Variants in HHIP observed in about 807,000 individuals in gnomAD.
The protein encoded by HHIP is hedgehog-interacting protein.
HHIP carries 12 observed loss-of-function variants against 74.0 expected under a neutral mutation model. The observed-to-expected ratio is 0.16, with a 90% confidence interval of 0.10 to 0.26. HHIP has a LOEUF of 0.26. Ranked by LOEUF, HHIP falls within the 10% of genes least tolerant of loss-of-function variation. The pLI is 1.00. For synonymous variants in HHIP, 309 were observed against 311.6 expected (o/e 0.99, Z 0.09); for missense variants, 788 against 845.0 (o/e 0.93, Z 0.84).
intron 4 of HHIP, among the ~76,000 whole-genome samples, chr4:144,669,677 T>C (rs185090520): frequency 1.3e-5 from 2 of 152,310 alleles, no homozygotes; most frequent in African/African-American, 4.8e-5. Context: ...CCATCATTGC[T>C]AGCAGTTGAA....
chr4:144,675,445 T>C (rs1377504388), intron 4 of HHIP, among the ~76,000 whole-genome samples: 1 of 152,004 alleles, frequency 6.6e-6, no homozygotes, highest in Non-Finnish European at 1.5e-5. Context: ...CAAACAGGAA[T>C]TTAGATTCAG....
intron 4 of HHIP, among the ~76,000 whole-genome samples, chr4:144,680,526 G>T (rs959461900): frequency 3.9e-5 from 6 of 152,136 alleles, no homozygotes; most frequent in African/African-American, 1.4e-4. Flanking sequence ...CAGCTCAGAA[G>T]AATAATCTAT....
At chr4:144,662,437 G>T (rs994088574) in intron 4 of HHIP, among the ~76,000 whole-genome samples, 6 of 152,194 alleles carry the variant, frequency 3.9e-5, no homozygotes, top group African/African-American at 1.4e-4. Flanking sequence ...GGGCTAAACT[G>T]TCTGCAGTTC....
chr4:144,712,398 T>C (rs550981478), intron 8 of HHIP, among the ~76,000 whole-genome samples: 22 of 152,306 alleles, frequency 1.4e-4, no homozygotes, highest in African/African-American at 5.3e-4. Context: ...GGAGAGCAGC[T>C]TGTCTTAACA....
Position 144,646,732 on chromosome 4 carries a change from T to C in HHIP, c.57T>C (p.Phe19=). The C allele has an allele frequency of 6.2e-7, 1 of 1,614,114 alleles. No individual in the cohort carries two copies. The highest frequency in any genetic ancestry group is 8.5e-7 in the Non-Finnish European group (1 of 1,180,012). The change falls in exon 1 of 13, where the codon TTT becomes TTC. Residue 19 remains phenylalanine, a synonymous_variant. Transcript: ENST00000296575. ...LLLLAVALGF[F]EGDAKFGERN... ...TGCTGGCCGTGGCTCTGGGCTTCTT[T>C]GAAGGAGATGCTAAGTTTGGGGAAA...
At chr4:144,688,014 C>G (rs750392794) in intron 4 of HHIP, among the ~76,000 whole-genome samples, 1 of 151,878 alleles carries the variant, frequency 6.6e-6, no homozygotes, top group Non-Finnish European at 1.5e-5. Context: ...ATATATCTAG[C>G]AACTGGTCGA....
intron 5 of HHIP, 60 bp downstream of exon 5, chr4:144,706,742 C>T (rs1730161677): frequency 2.0e-6 from 3 of 1,491,160 alleles, no homozygotes; most frequent in Non-Finnish European, 2.7e-6. Flanking sequence ...ATCATCTTTT[C>T]ATAAGTTTTT....
At chr4:144,661,848 A>G (rs938582776) in intron 4 of HHIP, among the ~76,000 whole-genome samples, 23 of 152,222 alleles carry the variant, frequency 1.5e-4, no homozygotes, top group African/African-American at 5.5e-4. Flanking sequence ...GAATTTTCAT[A>G]AATTATTATA....
At position 144,740,920 on chromosome 4, in the gene HHIP, T is replaced by C. The variant is rs766911512; in HGVS notation, c.*2963T>C. The C allele has an allele frequency of 6.6e-6, 1 of 152,238 alleles. No individual in the cohort carries two copies. Among genetic ancestry groups the C allele is most frequent in the Non-Finnish European group, 1.5e-5 (1 of 68,040 alleles). The allele number at this position is 152,238 out of a possible 1,614,324, so 9.4% of individuals were successfully genotyped here. A position where few individuals can be genotyped will look rare whatever the true frequency, so the allele number is the denominator to read the frequency against. Reference sequence around the variant, plus strand: ...GAAATGATGTTATAGTTGTTTTAAATGGTTGGAAATAACCTTTCTACTACT... The same window carrying C: ...GAAATGATGTTATAGTTGTTTTAAACGGTTGGAAATAACCTTTCTACTACT... On this transcript the variant is annotated 3_prime_UTR_variant, in exon 13 of 13. Coordinates refer to ENST00000296575, the MANE Select transcript of HHIP (RefSeq NM_022475.3).
chr4:144,695,756 C>G (rs1290884070), intron 4 of HHIP, among the ~76,000 whole-genome samples: 1 of 151,730 alleles, frequency 6.6e-6, no homozygotes, highest in Admixed American at 6.6e-5. Context: ...TTACATCAAG[C>G]CTTACAAATC....
chr4:144,715,376 T>C lies in HHIP; in HGVS notation c.1624T>C (p.Ser542Pro), dbSNP rs1730418964. Reference protein sequence around the residue: ...EKPLCLGTSGSCRGYFSGHIL... With the variant: ...EKPLCLGTSGPCRGYFSGHIL... The stretch of plus-strand genomic sequence containing the variant: ...ACCACTCTGTCTCGGCACTAGTGGG[T>C]CCTGTAGAGGCTACTTTTCCGGTCA... The change falls in exon 10 of 13, where the codon TCC becomes CCC. Residue 542 changes from serine to proline, a missense_variant. This residue lies in a region of HHIP where 343 missense variants were observed against 347.9 expected (regional missense o/e 0.99). Transcript: ENST00000296575. 6.2e-7 allele frequency: 1 copy of C among 1,613,454 alleles called. No homozygotes were observed. Among genetic ancestry groups the C allele is most frequent in the African/African-American group, 1.3e-5 (1 of 74,892 alleles).
intron 4 of HHIP, among the ~76,000 whole-genome samples, chr4:144,670,925 A>G (rs769412651): frequency 2.0e-5 from 3 of 152,156 alleles, no homozygotes; most frequent in Non-Finnish European, 4.4e-5. Flanking sequence ...CTGTGAACAC[A>G]TATGTTCAGG....
chr4:144,655,506 T>A (rs150858062), intron 2 of HHIP, among the ~76,000 whole-genome samples: 322 of 152,248 alleles, frequency 2.1e-3, no homozygotes, highest in Non-Finnish European at 3.7e-3. Flanking sequence ...TATTGTAGTG[T>A]GAAATGTCTG....
intron 11 of HHIP, among the ~76,000 whole-genome samples, chr4:144,723,266 C>T (rs553973562): frequency 8.5e-5 from 13 of 152,212 alleles, no homozygotes; most frequent in South Asian, 2.1e-4. Context: ...ATTCCAGGCT[C>T]GAGAGGTCAT....
At chr4:144,728,606 G>T (rs551991693) in intron 11 of HHIP, among the ~76,000 whole-genome samples, 15 of 152,104 alleles carry the variant, frequency 9.9e-5, no homozygotes, top group African/African-American at 3.6e-4. Context: ...TATTTCTGCA[G>T]CCTACATATG....
intron 11 of HHIP, among the ~76,000 whole-genome samples, chr4:144,722,784 G>A (rs1254224147): frequency 6.6e-6 from 1 of 152,078 alleles, no homozygotes; most frequent in Non-Finnish European, 1.5e-5. Flanking sequence ...AATCCAGGAG[G>A]TGGAGGTTGC....
intron 4 of HHIP, among the ~76,000 whole-genome samples, chr4:144,702,548 A>G (rs2126648106): frequency 6.6e-6 from 1 of 152,288 alleles, no homozygotes; most frequent in Non-Finnish European, 1.5e-5. Context: ...TCCAAATTTG[A>G]GCAGTCATTT....
chr4:144,716,496 C>T (rs116007956), intron 10 of HHIP, among the ~76,000 whole-genome samples: 1,646 of 152,212 alleles, frequency 0.011, 32 homozygotes, highest in African/African-American at 0.038. Context: ...GATACTTCCC[C>T]TAACTTACAT....
chr4:144,714,458 T>C, intron 9 of HHIP, 110 bp downstream of exon 9: 1 of 1,039,676 alleles, frequency 9.6e-7, no homozygotes, highest in Non-Finnish European at 1.5e-6. Context: ...GTGCATCAGA[T>C]GGGGAATACA....
Sources: allele counts gnomAD v4.1 joint callset (sites outside exome capture counted in the v4.1 genomes callset), GRCh38; gene constraint gnomAD v4.1.1; regional missense constraint gnomAD v4.1.1; transcripts MANE v1.5; gene names NCBI Gene and HGNC (gene_info 2026-07-23, HGNC 2026-07-21).